The following NUBPL variants were observed in gnomAD, a reference collection of about 807,000 sequenced individuals.
NUBPL encodes NUBP iron-sulfur cluster assembly factor, mitochondrial.
Under a neutral mutation model 45.7 loss-of-function variants are expected in NUBPL, and 31 were observed. The observed-to-expected ratio is 0.68, with a 90% CI of 0.51 to 0.92. The LOEUF (loss-of-function observed/expected upper bound fraction) is 0.92. Ranked by LOEUF, NUBPL falls within the 40% of genes least tolerant of loss-of-function variation. The pLI, the probability that NUBPL is intolerant of heterozygous loss-of-function variation, is 0.00. For synonymous variants in NUBPL, 144 were observed against 140.9 expected (o/e 1.02, Z -0.15); for missense variants, 401 against 398.7 (o/e 1.01, Z -0.05).
At chr14:31,682,246 A>T (rs1045122042) in intron 6 of NUBPL, among the ~76,000 whole-genome samples, 7 of 151,924 alleles carry the variant, frequency 4.6e-5, no homozygotes, top group Admixed American at 4.6e-4. Context: ...TTCGTGGTGA[A>T]TTTGCCCTTT....
intron 4 of NUBPL, among the ~76,000 whole-genome samples, chr14:31,601,705 A>C (rs1263358758): frequency 6.6e-6 from 1 of 152,162 alleles, no homozygotes; most frequent in Admixed American, 6.5e-5. Flanking sequence ...TCTCACACCA[A>C]TTAGAATGGC....
chr14:31,850,095 T>A lies in NUBPL; in HGVS notation c.815-24T>A, dbSNP rs749154915. 3.4e-5 allele frequency: 54 copies of A among 1,582,656 alleles called. No homozygotes were observed. The highest frequency in any genetic ancestry group is 4.2e-5 in the Non-Finnish European group (48 of 1,151,568). ...CCTATATGAACTTTTCTGGTTCTAA[T>A]GGATGTCTGCTGGGCTCTTTTAGGA... On this transcript the variant is annotated intron_variant, in intron 9 of 10. Coordinates refer to ENST00000281081, the MANE Select transcript of NUBPL (RefSeq NM_025152.3).
intron 2 of NUBPL, among the ~76,000 whole-genome samples, chr14:31,564,759 T>C (rs1244648803): frequency 6.6e-6 from 1 of 152,178 alleles, no homozygotes; most frequent in East Asian, 1.9e-4. Flanking sequence ...TTAAAAATGT[T>C]AGTTTTGGGA....
Position 31,707,541 on chromosome 14 carries a change from G to T in NUBPL, c.513+33967G>T, listed in dbSNP as rs370834587. On this transcript the variant is annotated intron_variant, in intron 6 of 10. Transcript: ENST00000281081. ...CTTGATTAGAGTATAGAGGGGCCTG[G>T]CTATCTCGCTGTGTCCGGGGATCCA... Among the ~76,000 whole-genome samples the T allele has an allele frequency of 5.9e-5, 9 of 152,184 alleles. No homozygotes were observed. In the East Asian group the frequency reaches 1.6e-3, roughly 26 times the overall value.
intron 6 of NUBPL, among the ~76,000 whole-genome samples, chr14:31,688,377 A>C (rs2139853003): frequency 6.6e-6 from 1 of 152,034 alleles, no homozygotes; most frequent in East Asian, 1.9e-4. Flanking sequence ...GGAGTTTGAG[A>C]CCAGCCTGGC....
intron 6 of NUBPL, among the ~76,000 whole-genome samples, chr14:31,766,072 A>G (rs2138745057): frequency 6.6e-6 from 1 of 152,360 alleles, no homozygotes; most frequent in East Asian, 1.9e-4. Flanking sequence ...GAAAAAAAGC[A>G]GGGTAGCAAA....
In NUBPL at chr14:31,574,530, G is replaced by T. The variant is rs1235890431; in HGVS notation, c.291+9482G>T. 4.7e-5 allele frequency among the ~76,000 whole-genome samples: 7 copies of T among 150,254 alleles called. No homozygotes were observed. The Admixed American group carries it at 4.7e-4, about 10-fold the overall frequency. On this transcript the variant is annotated intron_variant, in intron 3 of 10. Transcript: ENST00000281081. ...TCTGCCCGCCTCGGCCTCCCAAAGT[G>T]CTGGGATTACAGGTGTAAGCCACTG... is the stretch of plus-strand genomic sequence containing the variant.
chr14:31,582,182 A>G (rs1362545578), intron 3 of NUBPL, among the ~76,000 whole-genome samples: 1 of 152,066 alleles, frequency 6.6e-6, no homozygotes, highest in Non-Finnish European at 1.5e-5. Context: ...TTATCATAGT[A>G]GGGACAATTT....
chr14:31,770,522 C>T (rs1169396084), intron 6 of NUBPL, among the ~76,000 whole-genome samples: 2 of 152,100 alleles, frequency 1.3e-5, no homozygotes, highest in Non-Finnish European at 2.9e-5. Flanking sequence ...TCTACAATAG[C>T]GATGTTATTT....
At chr14:31,756,380 C>A (rs1297280504) in intron 6 of NUBPL, among the ~76,000 whole-genome samples, 1 of 152,038 alleles carries the variant, frequency 6.6e-6, no homozygotes, top group African/African-American at 2.4e-5. Flanking sequence ...TTTCCTTGAG[C>A]AGTGGTTTGT....
intron 4 of NUBPL, among the ~76,000 whole-genome samples, chr14:31,609,475 C>T (rs567488144): frequency 2.1e-4 from 32 of 152,178 alleles, no homozygotes; most frequent in African/African-American, 7.5e-4. Context: ...TACAATAATA[C>T]CTGGAGACTT....
At chr14:31,725,625 A>G (rs1483056948) in intron 6 of NUBPL, among the ~76,000 whole-genome samples, 2 of 151,896 alleles carry the variant, frequency 1.3e-5, no homozygotes, top group Non-Finnish European at 2.9e-5. Context: ...ACCCCATCAC[A>G]TGAAGTCAGA....
Position 31,729,280 on chromosome 14 carries a change from C to T in NUBPL, c.513+55706C>T, listed in dbSNP as rs539403372. On this transcript the variant is annotated intron_variant, in intron 6 of 10. Transcript: ENST00000281081. Reference sequence around the variant, plus strand: ...GGTGACAGAGAGATGCTCCATCCCCCCCCCCCCCAAAAAAAAAGTCATTCA... The same window carrying T: ...GGTGACAGAGAGATGCTCCATCCCCTCCCCCCCCAAAAAAAAAGTCATTCA... Among the ~76,000 whole-genome samples, 65 of 133,926 alleles carry T rather than the reference C, an allele frequency of 4.9e-4. 1 individual carries two copies. Among genetic ancestry groups the T allele is most frequent in the African/African-American group, 1.7e-3 (63 of 36,998 alleles). 87.9% of individuals were successfully genotyped at this position (133,926 alleles called of 152,430 possible).
intron 4 of NUBPL, among the ~76,000 whole-genome samples, chr14:31,640,283 T>A (rs2035647972): frequency 1.3e-5 from 2 of 152,204 alleles, no homozygotes; most frequent in South Asian, 4.1e-4. Context: ...ATCTTATGCT[T>A]ACCTAACCAC....
At chr14:31,818,422 C>G (rs2039961006) in intron 7 of NUBPL, among the ~76,000 whole-genome samples, 1 of 152,226 alleles carries the variant, frequency 6.6e-6, no homozygotes, top group Non-Finnish European at 1.5e-5. Flanking sequence ...CACATGCTAT[C>G]TCTCACCAGT....
chr14:31,829,750 C>A (rs764456073), intron 8 of NUBPL, among the ~76,000 whole-genome samples: 1 of 152,156 alleles, frequency 6.6e-6, no homozygotes, highest in African/African-American at 2.4e-5. Context: ...GTAATGTCTG[C>A]AAGAACATAT....
At chr14:31,621,196 A>C (rs1334330131) in intron 4 of NUBPL, among the ~76,000 whole-genome samples, 4 of 152,206 alleles carry the variant, frequency 2.6e-5, no homozygotes, top group Non-Finnish European at 5.9e-5. Flanking sequence ...ATTTCAAGCC[A>C]GTGGATCTTA....
intron 6 of NUBPL, among the ~76,000 whole-genome samples, chr14:31,752,189 GC>G (rs1433199736): frequency 6.6e-6 from 1 of 152,178 alleles, no homozygotes; most frequent in Non-Finnish European, 1.5e-5. Context: ...AATTTCTGCA[GC>G]CTGCTTGAAT....
intron 3 of NUBPL, among the ~76,000 whole-genome samples, chr14:31,590,801 C>T (rs1324366037): frequency 1.3e-5 from 2 of 152,166 alleles, no homozygotes; most frequent in Admixed American, 6.6e-5. Flanking sequence ...ATAAGCACTA[C>T]ATGGTGGTAG....
Sources: gnomAD v4.1 joint callset for allele counts (sites outside exome capture counted in the v4.1 genomes callset) on GRCh38, gnomAD v4.1.1 for gene constraint, MANE v1.5 for transcripts, NCBI Gene and HGNC (gene_info 2026-07-23, HGNC 2026-07-21) for gene names.